TAF5L: variants seen among roughly 807,000 people sequenced by gnomAD.
TAF5L encodes the protein TATA-box binding protein associated factor 5 like, also known as TAF5-like RNA polymerase II p300/CBP-associated factor-associated factor 65 kDa subunit 5L.
In TAF5L, 7 loss-of-function variants were observed where a neutral mutation model predicts 51.3. The observed-to-expected ratio is 0.14, with a 90% confidence interval of 0.08 to 0.26. The LOEUF (loss-of-function observed/expected upper bound fraction) is 0.26. Ranked by LOEUF, TAF5L falls within the 10% of genes least tolerant of loss-of-function variation. TAF5L has a pLI of 1.00. For missense variants in TAF5L, 575 were observed against 758.9 expected (o/e 0.76, Z 2.85); for synonymous variants, 291 against 308.1 (o/e 0.94, Z 0.58).
intron 4 of TAF5L, among the ~76,000 whole-genome samples, chr1:229,597,707 C>T (rs1283669821): frequency 6.6e-6 from 1 of 152,154 alleles, no homozygotes; most frequent in Non-Finnish European, 1.5e-5. Flanking sequence ...ATTTGTAAAG[C>T]ATATTCATGT....
At chr1:229,611,929 T>C (rs1439472192) in intron 2 of TAF5L, among the ~76,000 whole-genome samples, 1 of 152,178 alleles carries the variant, frequency 6.6e-6, no homozygotes, top group African/African-American at 2.4e-5. Flanking sequence ...CTTTTGGGGA[T>C]CCTTCCTTGG....
rs1664021833 is a variant in TAF5L at position 229,594,118 on chromosome 1, C to G, written c.*179G>C. On this transcript the variant is annotated 3_prime_UTR_variant, in exon 5 of 5. Coordinates refer to ENST00000258281, the Ensembl canonical transcript of TAF5L. The surrounding 1 kb of genome is among the most constrained non-coding windows in gnomAD (Gnocchi z 7.9). ...CATTGCCTCTCTCCTGTTCCCCTCC[C>G]CAACCTTGGCCTTCGACACTGGGGG... 1.5e-6 allele frequency: 1 copy of G among 675,510 alleles called. No homozygotes were observed. Among genetic ancestry groups the G allele is most frequent in the African/African-American group, 1.8e-5 (1 of 54,916 alleles). 41.8% of individuals were successfully genotyped at this position (675,510 alleles called of 1,614,324 possible).
At chr1:229,598,260 T>G (rs117729762) in intron 4 of TAF5L, among the ~76,000 whole-genome samples, 2 of 152,354 alleles carry the variant, frequency 1.3e-5, no homozygotes, top group East Asian at 3.8e-4. Context: ...AATAATTTGT[T>G]CATATTAGTT....
At chr1:229,622,583 AT>A (rs1321199923) in intron 1 of TAF5L, among the ~76,000 whole-genome samples, 2 of 152,338 alleles carry the variant, frequency 1.3e-5, no homozygotes, top group African/African-American at 4.8e-5. Context: ...TTAATAAAAA[AT>A]AAAAGTAAAA....
At chr1:229,617,562 G>A (rs1665052357) in intron 1 of TAF5L, among the ~76,000 whole-genome samples, 1 of 152,182 alleles carries the variant, frequency 6.6e-6, no homozygotes, top group African/African-American at 2.4e-5. Context: ...AGGCAGATGG[G>A]CCTCGATCTC....
intron 4 of TAF5L, among the ~76,000 whole-genome samples, 156 bp from the exon 5 acceptor site, chr1:229,595,250 C>T (rs866602697): frequency 2.0e-5 from 3 of 152,186 alleles, no homozygotes; most frequent in Admixed American, 6.5e-5. Context: ...TGCCCTTGAA[C>T]GCTACCCCAG....
rs940074205 is a variant in TAF5L, at chr1:229,625,393, C to G, written c.-4+492G>C. ...AACTCTGGCTCCCCCGTGTCACACG[C>G]GGAGATCGACTCCACACCCACCCAC... On this transcript the variant is annotated intron_variant, in intron 1 of 4. Coordinates refer to ENST00000258281, the Ensembl canonical transcript of TAF5L. The surrounding 1 kb of genome is among the most constrained non-coding windows in gnomAD (Gnocchi z 4.0). Among the ~76,000 whole-genome samples the G allele has an allele frequency of 2.9e-4, 44 of 152,236 alleles. No homozygotes were observed. Among genetic ancestry groups the G allele is most frequent in the African/African-American group, 1.0e-3 (43 of 41,562 alleles).
At chr1:229,620,397 T>A (rs1665160460) in intron 1 of TAF5L, among the ~76,000 whole-genome samples, 1 of 152,180 alleles carries the variant, frequency 6.6e-6, no homozygotes, top group African/African-American at 2.4e-5. Context: ...CCAATATTCT[T>A]CCACCTTTAG....
At position 229,597,010 on chromosome 1, in the gene TAF5L, T is replaced by G. The variant is rs1322040968; in HGVS notation, c.973-1916A>C. Among the ~76,000 whole-genome samples the G allele has an allele frequency of 2.0e-5, 3 of 152,328 alleles. No homozygotes were observed. The South Asian group carries it at 6.2e-4, about 32-fold the overall frequency. ...AATGGCTATTCCAAACACTCAACAT[T>G]AAAAATACATTAAGTATTTGGGAGC... On this transcript the variant is annotated intron_variant, in intron 4 of 4. Coordinates refer to ENST00000258281, the Ensembl canonical transcript of TAF5L.
At chr1:229,613,581 A>G (rs1664867314) in intron 2 of TAF5L, among the ~76,000 whole-genome samples, 1 of 152,202 alleles carries the variant, frequency 6.6e-6, no homozygotes, top group African/African-American at 2.4e-5. Flanking sequence ...GAATGAGGTG[A>G]TATGTAGGCT....
At chr1:229,596,610 G>A (rs1571827665) in intron 4 of TAF5L, among the ~76,000 whole-genome samples, 1 of 152,106 alleles carries the variant, frequency 6.6e-6, no homozygotes, top group Non-Finnish European at 1.5e-5. Flanking sequence ...CAGAAAAGAC[G>A]GCAACTAATG....
intron 4 of TAF5L, chr1:229,601,892 T>C: frequency 8.8e-7 from 1 of 1,141,068 alleles, no homozygotes; most frequent in Non-Finnish European, 1.1e-6. Context: ...TTACTGCAAA[T>C]CTCAGCTAAA....
At chr1:229,611,183 C>T (rs975718643) in intron 2 of TAF5L, among the ~76,000 whole-genome samples, 10 of 152,148 alleles carry the variant, frequency 6.6e-5, no homozygotes, top group Non-Finnish European at 7.4e-5. Context: ...TGCAGTATTC[C>T]GGGCATATGA....
intron 4 of TAF5L, chr1:229,601,646 G>A: frequency 1.0e-6 from 1 of 986,936 alleles, no homozygotes; most frequent in Non-Finnish European, 1.2e-6. Context: ...GAACACCCCG[G>A]GGTACATGGA....
At chr1:229,622,471 G>GT (rs1170865865) in intron 1 of TAF5L, among the ~76,000 whole-genome samples, 2 of 152,234 alleles carry the variant, frequency 1.3e-5, no homozygotes, top group East Asian at 3.9e-4. Context: ...CATGCTTTCT[G>GT]TAAGTGCTGT....
chr1:229,624,909 T>C (rs1665372952), intron 1 of TAF5L, among the ~76,000 whole-genome samples: 3 of 152,170 alleles, frequency 2.0e-5, no homozygotes, highest in Non-Finnish European at 2.9e-5. Flanking sequence ...TTGAATCGCC[T>C]GATATAAGAC....
intron 4 of TAF5L, among the ~76,000 whole-genome samples, chr1:229,596,190 C>T (rs1664118390): frequency 6.6e-6 from 1 of 152,148 alleles, no homozygotes; most frequent in East Asian, 1.9e-4. Flanking sequence ...AGGAGGCTCA[C>T]TTGAGCCTGG....
Position 229,625,235 on chromosome 1 carries a change from C to A in TAF5L, c.-4+650G>T, listed in dbSNP as rs1375537716. On this transcript the variant is annotated intron_variant, in intron 1 of 4. Coordinates refer to ENST00000258281, the Ensembl canonical transcript of TAF5L. This position sits in a 1 kb window ranked among gnomAD's most constrained non-coding sequence, Gnocchi z 4.0. ...CCTTATCGAATACATTTTCAAAAGC[C>A]TGGCAGCTTCGCGAGCTGGAGGTGG... Among the ~76,000 whole-genome samples, 1 of 152,196 alleles carries A rather than the reference C, an allele frequency of 6.6e-6. No homozygotes were observed. The highest frequency in any genetic ancestry group is 1.5e-5 in the Non-Finnish European group (1 of 68,034).
At chr1:229,614,559 C>A in intron 1 of TAF5L, 74 bp from the exon 2 acceptor site, 1 of 1,572,360 alleles carries the variant, frequency 6.4e-7, no homozygotes, top group Non-Finnish European at 8.7e-7. Flanking sequence ...TGCACCATCG[C>A]AGATGGGTAG....
Sources: gnomAD v4.1 joint callset for allele counts (sites outside exome capture counted in the v4.1 genomes callset) on GRCh38, gnomAD v4.1.1 for gene constraint, Gnocchi (gnomAD v3.1) non-coding constraint, MANE v1.5 for transcripts, NCBI Gene and HGNC (gene_info 2026-07-23, HGNC 2026-07-21) for gene names.